TMEM132B: variants seen among roughly 807,000 people sequenced by gnomAD.
TMEM132B encodes the protein transmembrane protein 132B.
TMEM132B carries 18 observed loss-of-function variants against 90.8 expected under a neutral mutation model. That is an observed-to-expected ratio of 0.20 (90% CI 0.14 to 0.29). The LOEUF (loss-of-function observed/expected upper bound fraction) is 0.29. TMEM132B is among the 10% of genes least tolerant of loss of function. TMEM132B has a pLI of 1.00. For synonymous variants in TMEM132B, 504 were observed against 523.3 expected, an observed-to-expected ratio of 0.96 and a Z score of 0.50; for missense variants, 1,096 against 1,326.8, an observed-to-expected ratio of 0.83 and a Z score of 2.70.
chr12:125,319,359 G>A (rs1876368921), intron 1 of TMEM132B, among the ~76,000 whole-genome samples: 1 of 152,192 alleles, frequency 6.6e-6, no homozygotes, highest in Non-Finnish European at 1.5e-5. Context: ...GAAGTAACGA[G>A]AACTTGGCTT....
At chr12:125,416,810 C>G (rs1468258185) in intron 3 of TMEM132B, among the ~76,000 whole-genome samples, 1 of 152,212 alleles carries the variant, frequency 6.6e-6, no homozygotes, top group African/African-American at 2.4e-5. Context: ...TTCTCTACAT[C>G]TATCGACAGA....
chr12:125,216,589 G>A (rs1446993065), intron 1 of TMEM132B, among the ~76,000 whole-genome samples: 4 of 152,164 alleles, frequency 2.6e-5, no homozygotes, highest in Non-Finnish European at 5.9e-5. Flanking sequence ...GCCTGGCATT[G>A]CCCTTGGAAT....
chr12:125,209,662 G>A lies in TMEM132B; in HGVS notation c.67+22796G>A, dbSNP rs1455588524. 6.6e-6 allele frequency among the ~76,000 whole-genome samples: 1 copy of A among 152,238 alleles called. No individual in the cohort carries two copies. The highest frequency in any genetic ancestry group is 6.5e-5 in the Admixed American group (1 of 15,292). ...TCACAGGCACCTCTTTGGCAGATGT[G>A]GAGTCTGAGTGGCTCAGACAGGCTG... is the stretch of plus-strand genomic sequence containing the variant. On this transcript the variant is annotated intron_variant, in intron 1 of 8. Coordinates refer to ENST00000682704, the MANE Select transcript of TMEM132B (RefSeq NM_001366854.1). The surrounding 1 kb of genome is among the most constrained non-coding windows in gnomAD (Gnocchi z 4.4).
chr12:125,632,248 A>G (rs889096155), intron 5 of TMEM132B, among the ~76,000 whole-genome samples: 1 of 152,174 alleles, frequency 6.6e-6, no homozygotes, highest in Non-Finnish European at 1.5e-5. Flanking sequence ...TTGCATAAAC[A>G]AATAAGCAAA....
At chr12:125,381,066 G>GC (rs1425822326) in intron 2 of TMEM132B, among the ~76,000 whole-genome samples, 1 of 152,188 alleles carries the variant, frequency 6.6e-6, no homozygotes, top group African/African-American at 2.4e-5. Flanking sequence ...ATTTGTGTTG[G>GC]CCTTGCTACT....
At chr12:125,381,946 T>C (rs1016271788) in intron 2 of TMEM132B, among the ~76,000 whole-genome samples, 7 of 152,170 alleles carry the variant, frequency 4.6e-5, no homozygotes, top group African/African-American at 1.4e-4. Flanking sequence ...GGTCTGGTGC[T>C]TCTGATCAGA....
chr12:125,426,837 C>T (rs142460410), intron 3 of TMEM132B, among the ~76,000 whole-genome samples: 16 of 152,316 alleles, frequency 1.1e-4, no homozygotes, highest in South Asian at 4.1e-4. Flanking sequence ...AAGAGTCAGA[C>T]GCTGAGACAG....
intron 4 of TMEM132B, among the ~76,000 whole-genome samples, chr12:125,548,476 A>T (rs530286553): frequency 6.6e-6 from 1 of 152,324 alleles, no homozygotes; most frequent in South Asian, 2.1e-4. Context: ...TTTGAAAAAC[A>T]TACCCTATGA....
chr12:125,244,916 G>A lies in TMEM132B; in HGVS notation c.67+58050G>A, dbSNP rs549802085. ...GGTCACCCCTGCCCCCACCATCTGC[G>A]TGAATTCACTTCCCTCTCTCGGCTT... On this transcript the variant is annotated intron_variant, in intron 1 of 8. Coordinates refer to ENST00000682704, the MANE Select transcript of TMEM132B (RefSeq NM_001366854.1). Among the ~76,000 whole-genome samples, 176 of 152,258 alleles carry A rather than the reference G, an allele frequency of 1.2e-3. 2 individuals are homozygous for A. The highest frequency in any genetic ancestry group is 0.01 in the Middle Eastern group (3 of 294).
chr12:125,423,554 T>C (rs1366129301), intron 3 of TMEM132B, among the ~76,000 whole-genome samples: 1 of 152,240 alleles, frequency 6.6e-6, no homozygotes, highest in Non-Finnish European at 1.5e-5. Context: ...ACTCCACTTA[T>C]TTTTTCTAAC....
chr12:125,383,018 T>C (rs751761664), intron 2 of TMEM132B, among the ~76,000 whole-genome samples: 2 of 152,322 alleles, frequency 1.3e-5, no homozygotes, highest in Non-Finnish European at 1.5e-5. Context: ...CCTCCAGATA[T>C]GTTTTCTTTT....
intron 1 of TMEM132B, among the ~76,000 whole-genome samples, chr12:125,235,802 CTTTTT>C (rs61643412): frequency 6.5e-5 from 7 of 107,414 alleles, no homozygotes; most frequent in Non-Finnish European, 1.1e-4. Flanking sequence ...CACTTCATTC[CTTTTT>C]TTTTTTTTTT....
rs1887080751 is a variant in TMEM132B, at chr12:125,656,999, T to C, written c.*2289T>C. 2 of 152,212 alleles carry C rather than the reference T, an allele frequency of 1.3e-5. No homozygotes were observed. Among genetic ancestry groups the C allele is most frequent in the South Asian group, 4.1e-4 (2 of 4,824 alleles). 9.4% of individuals were successfully genotyped at this position (152,212 alleles called of 1,614,324 possible). ...TAACTGGGGAGGAGGTGAAGGAAAT[T>C]ATCCCTGCCATGGGGAGTGTTATTC... On this transcript the variant is annotated 3_prime_UTR_variant, in exon 9 of 9. Transcript: ENST00000682704.
intron 3 of TMEM132B, among the ~76,000 whole-genome samples, chr12:125,471,768 T>C (rs1376159137): frequency 1.3e-5 from 2 of 152,202 alleles, no homozygotes; most frequent in African/African-American, 4.8e-5. Flanking sequence ...GCTTTGCATA[T>C]GTGGTCTCAT....
At chr12:125,645,217 CAA>C (rs57035989) in intron 6 of TMEM132B, among the ~76,000 whole-genome samples, 9,987 of 73,452 alleles carry the variant, frequency 0.14, 243 homozygotes, top group South Asian at 0.22. Context: ...GACTCCGTCT[CAA>C]AAAAAAAAAA....
At chr12:125,520,327 G>T (rs1230481768) in intron 4 of TMEM132B, among the ~76,000 whole-genome samples, 1 of 152,180 alleles carries the variant, frequency 6.6e-6, no homozygotes, top group Admixed American at 6.5e-5. Flanking sequence ...CACTGGAAAT[G>T]TTCAACCATT....
chr12:125,612,707 C>T (rs541930713), intron 5 of TMEM132B, among the ~76,000 whole-genome samples: 62 of 143,280 alleles, frequency 4.3e-4, no homozygotes, highest in African/African-American at 1.4e-3. Context: ...TATGTAGCCA[C>T]TCTGGCTTTC....
intron 4 of TMEM132B, among the ~76,000 whole-genome samples, chr12:125,521,061 A>T (rs1883295037): frequency 6.6e-6 from 1 of 152,208 alleles, no homozygotes; most frequent in Non-Finnish European, 1.5e-5. Context: ...CTGGGAACCC[A>T]TCTATAAATT....
intron 1 of TMEM132B, among the ~76,000 whole-genome samples, chr12:125,260,677 AATG>A (rs1874543431): frequency 6.6e-6 from 1 of 152,140 alleles, no homozygotes; most frequent in South Asian, 2.1e-4. Flanking sequence ...TTTCAAACTT[AATG>A]CCAAGTTTAG....
Sources: allele counts gnomAD v4.1 joint callset (sites outside exome capture counted in the v4.1 genomes callset), GRCh38; gene constraint gnomAD v4.1.1; non-coding constraint Gnocchi (gnomAD v3.1); transcripts MANE v1.5; gene names NCBI Gene and HGNC (gene_info 2026-07-23, HGNC 2026-07-21).